Variants in UBXN2B observed in about 807,000 individuals in gnomAD.
UBXN2B encodes UBX domain protein 2B.
UBXN2B carries 19 observed loss-of-function variants against 37.5 expected under a neutral mutation model. The observed-to-expected ratio is 0.51, with a 90% confidence interval of 0.35 to 0.74. UBXN2B has a LOEUF of 0.74. UBXN2B is among the 30% of genes least tolerant of loss of function. UBXN2B has a pLI of 0.01. For synonymous variants in UBXN2B, 145 were observed against 143.8 expected (o/e 1.01, Z -0.06); for missense variants, 370 against 393.2 (o/e 0.94, Z 0.50).
At chr8:58,443,018 T>C (rs1808587208) in intron 6 of UBXN2B, among the ~76,000 whole-genome samples, 2 of 152,168 alleles carry the variant, frequency 1.3e-5, no homozygotes, top group African/African-American at 2.4e-5. Context: ...GACTGAAGCC[T>C]GACTGGGTTG....
At chr8:58,420,167 A>C (rs80220161) in intron 2 of UBXN2B, among the ~76,000 whole-genome samples, 1 of 152,182 alleles carries the variant, frequency 6.6e-6, no homozygotes, top group Non-Finnish European at 1.5e-5. Flanking sequence ...TTTTGTTTTC[A>C]TATAAGAAAA....
At chr8:58,447,215 C>T (rs1808702133) in intron 7 of UBXN2B, among the ~76,000 whole-genome samples, 174 bp from the exon 8 acceptor site, 1 of 152,142 alleles carries the variant, frequency 6.6e-6, no homozygotes, top group Admixed American at 6.6e-5. Flanking sequence ...AGTTACTTTA[C>T]ATTTTAACTG....
intron 2 of UBXN2B, chr8:58,426,300 G>T (rs1192833762): frequency 4.0e-5 from 20 of 496,556 alleles, no homozygotes; most frequent in Non-Finnish European, 7.3e-5. Flanking sequence ...TCCGCCTGCT[G>T]GGTTCATGCC....
chr8:58,429,174 A>G (rs936491532), intron 2 of UBXN2B, among the ~76,000 whole-genome samples: 1 of 152,222 alleles, frequency 6.6e-6, no homozygotes, highest in African/African-American at 2.4e-5. Flanking sequence ...ACTTTGCCAG[A>G]TTAGAGATGT....
At chr8:58,430,697 AT>A (rs1284465099) in intron 3 of UBXN2B, 28 bp downstream of exon 3, 1 of 1,388,018 alleles carries the variant, frequency 7.2e-7, no homozygotes, top group Non-Finnish European at 9.4e-7. Context: ...AACTAAATAC[AT>A]TGTTTCTATA....
chr8:58,442,183 C>A (rs1334351075), intron 6 of UBXN2B, among the ~76,000 whole-genome samples: 1 of 152,144 alleles, frequency 6.6e-6, no homozygotes, highest in African/African-American at 2.4e-5. Context: ...GAAATCCTAG[C>A]TGCAAGAGAG....
At chr8:58,436,921 A>G (rs145626258) in intron 5 of UBXN2B, among the ~76,000 whole-genome samples, 1 of 152,362 alleles carries the variant, frequency 6.6e-6, no homozygotes, top group Admixed American at 6.5e-5. Flanking sequence ...GTATTCCTTT[A>G]TAGCAGTACA....
intron 3 of UBXN2B, among the ~76,000 whole-genome samples, chr8:58,431,991 C>A (rs565702613): frequency 1.3e-5 from 2 of 152,188 alleles, no homozygotes; most frequent in South Asian, 4.1e-4. Flanking sequence ...AGGTATGGGT[C>A]CTTTGTCAGA....
chr8:58,442,626 TAGA>T (rs1808577168), intron 6 of UBXN2B, among the ~76,000 whole-genome samples: 1 of 152,224 alleles, frequency 6.6e-6, no homozygotes, highest in Admixed American at 6.5e-5. Context: ...CCTCACATAA[TAGA>T]AGAAAGCAAA....
At chr8:58,426,199 A>AAT in intron 2 of UBXN2B, 4 of 572,858 alleles carry the variant, frequency 7.0e-6, no homozygotes, top group East Asian at 3.1e-5. Flanking sequence ...CAGTGTTCTG[A>AAT]ATCTTTTTTT....
intron 5 of UBXN2B, among the ~76,000 whole-genome samples, chr8:58,438,897 T>C (rs186106795): frequency 2.0e-5 from 3 of 152,272 alleles, no homozygotes; most frequent in South Asian, 2.1e-4. Flanking sequence ...GAGGTGGGGC[T>C]GGTGGGAGGT....
intron 5 of UBXN2B, among the ~76,000 whole-genome samples, chr8:58,439,183 T>A (rs925812563): frequency 6.6e-6 from 1 of 152,204 alleles, no homozygotes; most frequent in Non-Finnish European, 1.5e-5. Flanking sequence ...CTTTGCTTTA[T>A]AAATTACCCA....
intron 2 of UBXN2B, among the ~76,000 whole-genome samples, chr8:58,418,367 G>A (rs1807840075): frequency 6.6e-6 from 1 of 151,648 alleles, no homozygotes; most frequent in Non-Finnish European, 1.5e-5. Flanking sequence ...ACATTGCATT[G>A]CATTTAATTA....
intron 3 of UBXN2B, among the ~76,000 whole-genome samples, chr8:58,432,719 C>T (rs1175694798): frequency 6.6e-6 from 1 of 152,128 alleles, no homozygotes; most frequent in Non-Finnish European, 1.5e-5. Flanking sequence ...TATTGATATA[C>T]TAAAGACGAA....
intron 2 of UBXN2B, chr8:58,425,829 C>G: frequency 1.7e-6 from 2 of 1,173,894 alleles, no homozygotes; most frequent in South Asian, 2.4e-5. Flanking sequence ...CCACCAACAT[C>G]GTATTTCAGT....
chr8:58,415,964 A>T (rs989967609), intron 1 of UBXN2B, among the ~76,000 whole-genome samples: 2 of 151,670 alleles, frequency 1.3e-5, no homozygotes. Flanking sequence ...TCTTGGAGGT[A>T]GTTTTCATAT....
At chr8:58,431,853 G>A (rs758261952) in intron 3 of UBXN2B, among the ~76,000 whole-genome samples, 5 of 152,086 alleles carry the variant, frequency 3.3e-5, no homozygotes, top group Admixed American at 1.3e-4. Flanking sequence ...GATGAACATC[G>A]TTTCATGTGC....
At chr8:58,414,787 A>G (rs1807729637) in intron 1 of UBXN2B, among the ~76,000 whole-genome samples, 1 of 152,124 alleles carries the variant, frequency 6.6e-6, no homozygotes. Flanking sequence ...AGGATCTTTC[A>G]GCCAGGTAGA....
At chr8:58,433,585 G>A (rs1808337263) in intron 4 of UBXN2B, among the ~76,000 whole-genome samples, 2 of 143,032 alleles carry the variant, frequency 1.4e-5, no homozygotes, top group Admixed American at 7.2e-5. Context: ...GGCCAGCCCG[G>A]AAAACATAGC....
Sources: gnomAD v4.1 joint callset for allele counts (sites outside exome capture counted in the v4.1 genomes callset) on GRCh38, gnomAD v4.1.1 for gene constraint, MANE v1.5 for transcripts, NCBI Gene and HGNC (gene_info 2026-07-23, HGNC 2026-07-21) for gene names.